NMNAT2: variants seen among roughly 807,000 people sequenced by gnomAD.
The protein encoded by NMNAT2 is nicotinamide nucleotide adenylyltransferase 2.
In NMNAT2, 11 loss-of-function variants were observed where a neutral mutation model predicts 41.6. The observed-to-expected ratio is 0.26, with a 90% CI of 0.17 to 0.44. The LOEUF is 0.44. NMNAT2 is among the 20% of genes least tolerant of loss of function. The probability of loss-of-function intolerance (pLI) is 1.00; values close to 1 mark genes in which losing one functional copy is unlikely to be tolerated. For missense variants in NMNAT2, 288 were observed against 407.7 expected (o/e 0.71, Z 2.53); for synonymous variants, 148 against 151.2 (o/e 0.98, Z 0.16).
intron 1 of NMNAT2, among the ~76,000 whole-genome samples, chr1:183,316,904 G>T (rs1045939476): frequency 1.3e-5 from 2 of 152,142 alleles, no homozygotes; most frequent in Admixed American, 1.3e-4. Flanking sequence ...GGGACTCTAA[G>T]TCAGCATCCT....
chr1:183,409,523 C>G (rs532164625), intron 1 of NMNAT2, among the ~76,000 whole-genome samples: 1 of 152,176 alleles, frequency 6.6e-6, no homozygotes, highest in African/African-American at 2.4e-5. Flanking sequence ...CCCTATGCTG[C>G]CCAGGCTGGT....
intron 1 of NMNAT2, among the ~76,000 whole-genome samples, chr1:183,345,998 T>C (rs1439553539): frequency 1.3e-5 from 2 of 152,170 alleles, no homozygotes; most frequent in African/African-American, 2.4e-5. Flanking sequence ...CATCCTTTTC[T>C]TTATAAATTA....
At chr1:183,275,292 T>C (rs1661095367) in intron 8 of NMNAT2, among the ~76,000 whole-genome samples, 1 of 152,176 alleles carries the variant, frequency 6.6e-6, no homozygotes, top group South Asian at 2.1e-4. Context: ...ACCTCTGTCA[T>C]AGACTGAGAT....
intron 8 of NMNAT2, 78 bp from the exon 9 acceptor site, chr1:183,261,381 ATCCGC>A (rs66537330): frequency 0.78 from 959,696 of 1,236,322 alleles, 378,763 homozygotes; most frequent in Middle Eastern, 0.86. Flanking sequence ...GCATGGCAGA[ATCCGC>A]TTCCATTCTT....
At chr1:183,382,388 T>C (rs897424620) in intron 1 of NMNAT2, among the ~76,000 whole-genome samples, 4 of 152,078 alleles carry the variant, frequency 2.6e-5, no homozygotes, top group Non-Finnish European at 5.9e-5. Flanking sequence ...TTTCCACCCC[T>C]GTCCCCTCCC....
chr1:183,363,597 C>CAT (rs1030667913), intron 1 of NMNAT2, among the ~76,000 whole-genome samples: 3 of 151,998 alleles, frequency 2.0e-5, no homozygotes, highest in Admixed American at 2.0e-4. Flanking sequence ...CACACACACA[C>CAT]ACACACACAA....
intron 1 of NMNAT2, among the ~76,000 whole-genome samples, chr1:183,385,590 A>G (rs566822748): frequency 2.6e-5 from 4 of 151,772 alleles, no homozygotes; most frequent in Non-Finnish European, 4.4e-5. Context: ...AAACAGACAG[A>G]GCCTGGAATT....
intron 1 of NMNAT2, among the ~76,000 whole-genome samples, chr1:183,352,338 T>G (rs1442583577): frequency 1.3e-5 from 2 of 151,900 alleles, no homozygotes; most frequent in African/African-American, 4.8e-5. Context: ...CTAAGGTGGG[T>G]GGATCACCTG....
chr1:183,286,579 T>A, intron 5 of NMNAT2, 83 bp downstream of exon 5: 1 of 1,229,014 alleles, frequency 8.1e-7, no homozygotes, highest in Non-Finnish European at 1.1e-6. Context: ...AATCAAGTTC[T>A]GGGTGGATCC....
intron 5 of NMNAT2, 71 bp downstream of exon 5, chr1:183,286,591 A>G (rs970304214): frequency 7.3e-7 from 1 of 1,368,802 alleles, no homozygotes; most frequent in Middle Eastern, 1.9e-4. Context: ...GGTGGATCCC[A>G]GTAGTCATTA....
intron 1 of NMNAT2, among the ~76,000 whole-genome samples, chr1:183,387,940 G>A (rs746021011): frequency 2.6e-5 from 4 of 152,194 alleles, no homozygotes; most frequent in Non-Finnish European, 4.4e-5. Context: ...AGTCCAAATA[G>A]TAATAACAAA....
intron 1 of NMNAT2, among the ~76,000 whole-genome samples, chr1:183,362,684 GT>G (rs373863216): frequency 3.3e-5 from 5 of 152,160 alleles, no homozygotes; most frequent in East Asian, 3.9e-4. Context: ...TATTTGGGTT[GT>G]TTTTTTCCTT....
chr1:183,393,222 T>C (rs1557898706), intron 1 of NMNAT2, among the ~76,000 whole-genome samples: 2 of 152,216 alleles, frequency 1.3e-5, no homozygotes, highest in Admixed American at 1.3e-4. Context: ...TCATAACTCA[T>C]GTTTATATAT....
chr1:183,343,143 G>T (rs1415438404), intron 1 of NMNAT2, among the ~76,000 whole-genome samples: 1 of 152,172 alleles, frequency 6.6e-6, no homozygotes, highest in Non-Finnish European at 1.5e-5. Flanking sequence ...GGCCTTTGAG[G>T]CCAACCATCT....
At chr1:183,417,885 G>C (rs750658187) in intron 1 of NMNAT2, among the ~76,000 whole-genome samples, 5 of 152,000 alleles carry the variant, frequency 3.3e-5, no homozygotes, top group Non-Finnish European at 7.4e-5. Context: ...CCACACTCCA[G>C]TTCTGGTATC....
At chr1:183,294,651 G>A (rs1204210910) in intron 1 of NMNAT2, among the ~76,000 whole-genome samples, 5 of 152,106 alleles carry the variant, frequency 3.3e-5, no homozygotes, top group Admixed American at 1.3e-4. Context: ...TTAGCCAGAC[G>A]CGGTGGCAGG....
chr1:183,401,269 C>T (rs1053318588), intron 1 of NMNAT2, among the ~76,000 whole-genome samples: 4 of 152,170 alleles, frequency 2.6e-5, no homozygotes, highest in Non-Finnish European at 4.4e-5. Context: ...TGAACAGACA[C>T]TTCTCAAAAG....
chr1:183,395,367 G>C (rs1340791622), intron 1 of NMNAT2, among the ~76,000 whole-genome samples: 1 of 151,748 alleles, frequency 6.6e-6, no homozygotes, highest in Non-Finnish European at 1.5e-5. Flanking sequence ...TGATAGAGGT[G>C]GGTCAAGGAA....
chr1:183,394,924 T>A (rs1447068892), intron 1 of NMNAT2, among the ~76,000 whole-genome samples: 1 of 152,202 alleles, frequency 6.6e-6, no homozygotes, highest in African/African-American at 2.4e-5. Flanking sequence ...AATGTCCACA[T>A]GTCTGCAGGC....
Sources: allele counts gnomAD v4.1 joint callset (sites outside exome capture counted in the v4.1 genomes callset), GRCh38; gene constraint gnomAD v4.1.1; transcripts MANE v1.5; gene names NCBI Gene and HGNC (gene_info 2026-07-23, HGNC 2026-07-21).